The following CTNND2 variants were observed in gnomAD, a reference collection of about 807,000 sequenced individuals.
The protein encoded by CTNND2 is catenin delta 2, also known as catenin delta-2.
CTNND2 carries 22 observed loss-of-function variants against 144.4 expected under a neutral mutation model. That is an observed-to-expected ratio of 0.15 (90% confidence interval 0.11 to 0.22). The LOEUF (loss-of-function observed/expected upper bound fraction) is 0.22. CTNND2 is among the 10% of genes least tolerant of loss of function. The probability of loss-of-function intolerance (pLI) is 1.00; values close to 1 mark genes in which losing one functional copy is unlikely to be tolerated. For synonymous variants in CTNND2, 751 were observed against 695.6 expected, an observed-to-expected ratio of 1.08 and a Z score of -1.25; for missense variants, 1,353 against 1,618.8, an observed-to-expected ratio of 0.84 and a Z score of 2.82.
intron 3 of CTNND2, among the ~76,000 whole-genome samples, chr5:11,423,363 G>A (rs1762522640): frequency 6.6e-6 from 1 of 152,178 alleles, no homozygotes; most frequent in African/African-American, 2.4e-5. Flanking sequence ...CATCTCTCAG[G>A]TGGATTATCC....
intron 14 of CTNND2, among the ~76,000 whole-genome samples, chr5:11,105,720 T>C (rs1485651553): frequency 6.6e-6 from 1 of 152,206 alleles, no homozygotes; most frequent in Non-Finnish European, 1.5e-5. Flanking sequence ...TAGAAGAATA[T>C]GGTTCATCCA....
chr5:11,729,669 T>A (rs1787225519), intron 2 of CTNND2, among the ~76,000 whole-genome samples: 1 of 152,176 alleles, frequency 6.6e-6, no homozygotes, highest in Admixed American at 6.5e-5. Context: ...ATCTTACCTA[T>A]TTAGTCACTA....
rs1272573872 is a variant in CTNND2, at chr5:11,903,118, A to C, written c.37+699T>G. 10 of 865,586 alleles carry C rather than the reference A, an allele frequency of 1.2e-5. No homozygotes were observed. The highest frequency in any genetic ancestry group is 1.4e-5 in the Non-Finnish European group (10 of 720,590). 53.6% of individuals were successfully genotyped at this position (865,586 alleles called of 1,614,324 possible). A position where few individuals can be genotyped will look rare whatever the true frequency, so the allele number is the denominator to read the frequency against. ...CTTCGCTTTCAGCCATTAATTACGG[A>C]TCACCCCAATTTTGCATCGCTCATC... On this transcript the variant is annotated intron_variant, in intron 1 of 21. Coordinates refer to ENST00000304623, the MANE Select transcript of CTNND2 (RefSeq NM_001332.4). The surrounding 1 kb of genome is among the most constrained non-coding windows in gnomAD (Gnocchi z 5.4).
At chr5:11,841,149 A>T (rs931109559) in intron 1 of CTNND2, among the ~76,000 whole-genome samples, 2 of 152,188 alleles carry the variant, frequency 1.3e-5, no homozygotes, top group Non-Finnish European at 2.9e-5. Context: ...ACAACGATGA[A>T]CAAAAAAAAG....
At chr5:11,662,279 A>G (rs1045363899) in intron 2 of CTNND2, among the ~76,000 whole-genome samples, 9 of 145,308 alleles carry the variant, frequency 6.2e-5, no homozygotes, top group African/African-American at 1.8e-4. Flanking sequence ...GTGTGTATAT[A>G]TATATATATA....
chr5:11,104,996 C>T (rs1196464966), intron 14 of CTNND2, among the ~76,000 whole-genome samples: 1 of 152,202 alleles, frequency 6.6e-6, no homozygotes, highest in African/African-American at 2.4e-5. Context: ...GCTGGTGATG[C>T]TGCCTACTCC....
chr5:11,341,221 T>A (rs982933643), intron 9 of CTNND2, among the ~76,000 whole-genome samples: 3 of 152,160 alleles, frequency 2.0e-5, no homozygotes, highest in African/African-American at 7.2e-5. Flanking sequence ...GATAGGTGTA[T>A]TCTCAAACGA....
At chr5:11,104,565 G>C (rs1174947172) in intron 14 of CTNND2, among the ~76,000 whole-genome samples, 1 of 152,112 alleles carries the variant, frequency 6.6e-6, no homozygotes, top group Non-Finnish European at 1.5e-5. Flanking sequence ...GGGGTTAAAG[G>C]TGGAAGGATA....
At chr5:11,845,489 T>G (rs2126992213) in intron 1 of CTNND2, among the ~76,000 whole-genome samples, 1 of 152,238 alleles carries the variant, frequency 6.6e-6, no homozygotes, top group South Asian at 2.1e-4. Context: ...ACTAGTGTCC[T>G]TAAGAAAAGG....
chr5:11,382,641 GTGTGTA>G (rs879584512), intron 7 of CTNND2, among the ~76,000 whole-genome samples: 51 of 142,638 alleles, frequency 3.6e-4, no homozygotes, highest in African/African-American at 9.3e-4. Context: ...GTGTGTGTGT[GTGTGTA>G]GAATGATGAA....
chr5:11,669,669 C>T (rs892667288), intron 2 of CTNND2, among the ~76,000 whole-genome samples: 2 of 148,792 alleles, frequency 1.3e-5, no homozygotes, highest in Non-Finnish European at 3.0e-5. Flanking sequence ...CTCATTAGTC[C>T]TATTTTGTTG....
intron 2 of CTNND2, among the ~76,000 whole-genome samples, chr5:11,593,553 T>G (rs1351388723): frequency 1.3e-5 from 2 of 152,150 alleles, no homozygotes; most frequent in South Asian, 4.2e-4. Flanking sequence ...GGGAGGTAAC[T>G]GAATCATGGG....
rs1735914292 is a variant in CTNND2 at position 11,880,068 on chromosome 5, G to A, written c.37+23749C>T. Among the ~76,000 whole-genome samples the A allele has an allele frequency of 2.0e-5, 3 of 152,134 alleles. 1 individual carries two copies. The South Asian group carries it at 6.2e-4, about 31-fold the overall frequency. On this transcript the variant is annotated intron_variant, in intron 1 of 21. Transcript: ENST00000304623. Reference sequence around the variant, plus strand: ...ACTCTTGCCAATCCATGCCAAAAATGTACCAACTTTTACTCTTGTGGGCTG... The same window carrying A: ...ACTCTTGCCAATCCATGCCAAAAATATACCAACTTTTACTCTTGTGGGCTG...
intron 9 of CTNND2, among the ~76,000 whole-genome samples, chr5:11,306,952 G>A (rs1290579361): frequency 2.0e-5 from 3 of 152,136 alleles, no homozygotes; most frequent in South Asian, 2.1e-4. Context: ...CATGCTCATG[G>A]TCTCAGTGCA....
At chr5:11,083,921 G>T in intron 15 of CTNND2, 1 of 1,152,160 alleles carries the variant, frequency 8.7e-7, no homozygotes, top group Non-Finnish European at 1.1e-6. Flanking sequence ...TGAACGTAGG[G>T]CATATGCCAT....
chr5:11,883,540 A>G (rs1388126408), intron 1 of CTNND2, among the ~76,000 whole-genome samples: 1 of 152,134 alleles, frequency 6.6e-6, no homozygotes, highest in African/African-American at 2.4e-5. Flanking sequence ...ATAGTATTCC[A>G]CGGTGTATAT....
chr5:11,553,080 T>C (rs1249978212), intron 3 of CTNND2, among the ~76,000 whole-genome samples: 1 of 152,188 alleles, frequency 6.6e-6, no homozygotes, highest in Admixed American at 6.5e-5. Flanking sequence ...TTGAAGAGTA[T>C]CTATTCAAAG....
chr5:10,992,912 A>G (rs1738864361), intron 18 of CTNND2, among the ~76,000 whole-genome samples: 1 of 152,088 alleles, frequency 6.6e-6, no homozygotes, highest in Admixed American at 6.6e-5. Context: ...TGAATGTTGA[A>G]TAAATGGTCC....
At chr5:11,388,464 T>G (rs1581087998) in intron 6 of CTNND2, among the ~76,000 whole-genome samples, 1 of 152,230 alleles carries the variant, frequency 6.6e-6, no homozygotes, top group East Asian at 1.9e-4. Context: ...ATGTGACTAG[T>G]GGCCACCTTC....
Sources: allele counts gnomAD v4.1 joint callset (sites outside exome capture counted in the v4.1 genomes callset), GRCh38; gene constraint gnomAD v4.1.1; non-coding constraint Gnocchi (gnomAD v3.1); transcripts MANE v1.5; gene names NCBI Gene and HGNC (gene_info 2026-07-23, HGNC 2026-07-21).